VGLL3: variants seen among roughly 807,000 people sequenced by gnomAD.
VGLL3 encodes vestigial like family member 3, also known as transcription cofactor vestigial-like protein 3.
In VGLL3, 18 loss-of-function variants were observed where a neutral mutation model predicts 29.2. That is an observed-to-expected ratio of 0.62 (90% CI 0.43 to 0.91). VGLL3 has a LOEUF of 0.91. VGLL3 is among the 40% of genes least tolerant of loss of function. The probability of loss-of-function intolerance (pLI) is 0.00; values close to 1 mark genes in which losing one functional copy is unlikely to be tolerated. For synonymous variants in VGLL3, 180 were observed against 151.8 expected, an observed-to-expected ratio of 1.19 and a Z score of -1.36; for missense variants, 440 against 413.2, an observed-to-expected ratio of 1.06 and a Z score of -0.56.
intron 1 of VGLL3, among the ~76,000 whole-genome samples, chr3:86,981,662 T>G (rs1020878822): frequency 1.7e-4 from 26 of 152,050 alleles, no homozygotes; most frequent in Non-Finnish European, 2.8e-4. Flanking sequence ...TCTCGATTCT[T>G]TTACTAATTA....
At chr3:86,948,512 A>T (rs1200946115) in intron 3 of VGLL3, among the ~76,000 whole-genome samples, 1 of 152,168 alleles carries the variant, frequency 6.6e-6, no homozygotes. Flanking sequence ...GAACAAATAG[A>T]AGGAGATATA....
chr3:86,980,856 A>C (rs1277590496), intron 1 of VGLL3, among the ~76,000 whole-genome samples: 1 of 150,770 alleles, frequency 6.6e-6, no homozygotes, highest in Non-Finnish European at 1.5e-5. Context: ...AAAAAAAAAA[A>C]CCCTAAAACC....
chr3:86,967,553 A>C (rs569736050), intron 3 of VGLL3, among the ~76,000 whole-genome samples: 6 of 152,314 alleles, frequency 3.9e-5, no homozygotes, highest in African/African-American at 1.4e-4. Context: ...CTGAGCATTT[A>C]TGACTCTGGG....
intron 3 of VGLL3, among the ~76,000 whole-genome samples, chr3:86,955,210 C>G (rs193261273): frequency 1.3e-3 from 201 of 152,182 alleles, no homozygotes; most frequent in African/African-American, 4.8e-3. Flanking sequence ...TTTCAAAAGA[C>G]GCTTAGAAAC....
At chr3:86,956,738 T>A (rs988062795) in intron 3 of VGLL3, among the ~76,000 whole-genome samples, 9 of 137,990 alleles carry the variant, frequency 6.5e-5, no homozygotes, top group African/African-American at 2.5e-4. Flanking sequence ...TGAGCCGAGA[T>A]CGCGCCACTG....
rs368628256 is a variant in VGLL3 at position 86,968,873 on chromosome 3, G to A, written c.654C>T (p.Ser218=). 9.3e-6 allele frequency: 15 copies of A among 1,614,174 alleles called. No homozygotes were observed. In the East Asian group the frequency reaches 1.8e-4, roughly 19 times the overall value. Residue 218 remains serine, a synonymous_variant, in exon 3 of 4, where the codon TCC becomes TCT. Coordinates refer to ENST00000398399, the MANE Select transcript of VGLL3 (RefSeq NM_016206.4). ...TGTACACGTCATGCATATGGCTGTA[G>A]GATGGGCTCACCTGAGATGTCAAAG... ...PYPLTSQVSP[S]YSHMHDVYMR...
Position 86,940,932 on chromosome 3 carries a change from T to C in VGLL3, c.*6092A>G, listed in dbSNP as rs550905939. 12 of 152,570 alleles carry C rather than the reference T, an allele frequency of 7.9e-5. No individual in the cohort carries two copies. In the East Asian group the frequency reaches 2.1e-3, roughly 27 times the overall value. The allele number at this position is 152,570 out of a possible 1,614,324, so 9.5% of individuals were successfully genotyped here. Reference sequence around the variant, plus strand: ...ACAAAATTAAGGTAGCACAACTTCTTGTAGAACTAACAAGTCTGAAAGTTC... The same window carrying C: ...ACAAAATTAAGGTAGCACAACTTCTCGTAGAACTAACAAGTCTGAAAGTTC... On this transcript the variant is annotated 3_prime_UTR_variant, in exon 4 of 4. Coordinates refer to ENST00000398399, the MANE Select transcript of VGLL3 (RefSeq NM_016206.4).
chr3:86,960,075 G>T (rs1704806615), intron 3 of VGLL3, among the ~76,000 whole-genome samples: 1 of 151,978 alleles, frequency 6.6e-6, no homozygotes. Flanking sequence ...TTAATTAATA[G>T]ATTTCATTAT....
At chr3:86,950,400 T>C (rs1244715310) in intron 3 of VGLL3, among the ~76,000 whole-genome samples, 1 of 152,178 alleles carries the variant, frequency 6.6e-6, no homozygotes, top group East Asian at 1.9e-4. Context: ...AAAATTTAAG[T>C]TAAGAGAATT....
intron 2 of VGLL3, among the ~76,000 whole-genome samples, chr3:86,972,188 T>G (rs1705115685): frequency 6.6e-6 from 1 of 152,212 alleles, no homozygotes; most frequent in Non-Finnish European, 1.5e-5. Context: ...GGTCTATTTA[T>G]GAAGTACTGT....
Position 86,946,516 on chromosome 3 carries a change from C to A in VGLL3, c.*508G>T, listed in dbSNP as rs1214646963. The A allele has an allele frequency of 6.6e-6, 1 of 152,272 alleles. No homozygotes were observed. The highest frequency in any genetic ancestry group is 2.4e-5 in the African/African-American group (1 of 41,448). The allele number at this position is 152,272 out of a possible 1,614,324, so 9.4% of individuals were successfully genotyped here. A position where few individuals can be genotyped will look rare whatever the true frequency, so the allele number is the denominator to read the frequency against. On this transcript the variant is annotated 3_prime_UTR_variant, in exon 4 of 4. Coordinates refer to ENST00000398399, the MANE Select transcript of VGLL3 (RefSeq NM_016206.4). ...TTTAAACATTTTTGCCAGTGCTTCT[C>A]TGAGAGCAAGTTCTTTAAACAGAAC...
chr3:86,940,229 T>A lies in VGLL3; in HGVS notation c.*6795A>T, dbSNP rs1704364781. On this transcript the variant is annotated 3_prime_UTR_variant, in exon 4 of 4. Transcript: ENST00000398399. ...TTCAGAATACAAGGTCTTGGAATTC[T>A]CTTTTCAATGTTAATGAATCGTAGA... 1 of 152,292 alleles carries A rather than the reference T, an allele frequency of 6.6e-6. No individual in the cohort carries two copies. The highest frequency in any genetic ancestry group is 1.5e-5 in the Non-Finnish European group (1 of 68,030). The allele number at this position is 152,292 out of a possible 1,614,324, so 9.4% of individuals were successfully genotyped here.
chr3:86,978,019 C>A (rs114175470), intron 2 of VGLL3, among the ~76,000 whole-genome samples: 1 of 152,122 alleles, frequency 6.6e-6, no homozygotes, highest in Admixed American at 6.6e-5. Context: ...TGCCAAAATG[C>A]CTAGAGTGTA....
chr3:86,965,076 G>T (rs1704931340), intron 3 of VGLL3, among the ~76,000 whole-genome samples: 2 of 151,546 alleles, frequency 1.3e-5, no homozygotes, highest in East Asian at 2.0e-4. Context: ...AGAATCACTT[G>T]AACCCAGGAA....
intron 3 of VGLL3, among the ~76,000 whole-genome samples, chr3:86,954,711 A>G (rs1022716109): frequency 1.3e-5 from 2 of 152,170 alleles, no homozygotes; most frequent in African/African-American, 4.8e-5. Flanking sequence ...GCTGGGGACT[A>G]TATGGAACGA....
rs535456559 is a variant in VGLL3 at position 86,952,726 on chromosome 3, A to G, written c.938-5659T>C. Among the ~76,000 whole-genome samples, 65 of 152,296 alleles carry G rather than the reference A, an allele frequency of 4.3e-4. 1 individual carries two copies. In the South Asian group the frequency reaches 0.013, roughly 31 times the overall value. ...AAAAAATAGATCTCCCCTTTCATCCATCCTTTAATAAAGATAAGAAATACT... is the reference window on the plus strand; with the variant it reads ...AAAAAATAGATCTCCCCTTTCATCCGTCCTTTAATAAAGATAAGAAATACT... On this transcript the variant is annotated intron_variant, in intron 3 of 3. Transcript: ENST00000398399.
At chr3:86,970,764 A>C (rs1705082853) in intron 2 of VGLL3, among the ~76,000 whole-genome samples, 1 of 152,108 alleles carries the variant, frequency 6.6e-6, no homozygotes, top group South Asian at 2.1e-4. Flanking sequence ...CCTGTTGCCT[A>C]CAGTGTTGTA....
intron 3 of VGLL3, chr3:86,962,273 G>C (rs1368328921): frequency 2.0e-6 from 2 of 985,452 alleles, no homozygotes; most frequent in African/African-American, 1.7e-5. Context: ...CAAAAAGTAA[G>C]AGTGAGCTCG....
intron 3 of VGLL3, among the ~76,000 whole-genome samples, chr3:86,956,677 C>T (rs964758597): frequency 1.3e-5 from 2 of 151,018 alleles, no homozygotes; most frequent in African/African-American, 2.4e-5. Flanking sequence ...CCCAGCTACT[C>T]AGGAGGCTGA....
Sources: gnomAD v4.1 joint callset for allele counts (sites outside exome capture counted in the v4.1 genomes callset) on GRCh38, gnomAD v4.1.1 for gene constraint, MANE v1.5 for transcripts, NCBI Gene and HGNC (gene_info 2026-07-23, HGNC 2026-07-21) for gene names.